Variants in NAV2 observed in about 807,000 individuals in gnomAD.
The protein encoded by NAV2 is helicase, APC down-regulated 1.
In NAV2, 54 loss-of-function variants were observed where a neutral mutation model predicts 223.2. The observed-to-expected ratio is 0.24, with a 90% CI of 0.19 to 0.30. The LOEUF (loss-of-function observed/expected upper bound fraction) is 0.30, where lower values mean the gene tolerates loss of function less well. Ranked by LOEUF, NAV2 falls within the 10% of genes least tolerant of loss-of-function variation. The probability of loss-of-function intolerance (pLI) is 1.00; values close to 1 mark genes in which losing one functional copy is unlikely to be tolerated. For synonymous variants in NAV2, 1,279 were observed against 1,239.3 expected (o/e 1.03, Z -0.67); for missense variants, 2,806 against 3,147.5 (o/e 0.89, Z 2.60).
intron 1 of NAV2, among the ~76,000 whole-genome samples, chr11:19,513,983 C>A (rs1334237233): frequency 1.3e-5 from 2 of 152,228 alleles, no homozygotes; most frequent in Non-Finnish European, 2.9e-5. Flanking sequence ...TGATTCTGGA[C>A]TTCTAGCCTC....
Position 20,097,723 on chromosome 11 carries a change from G to T in NAV2, c.6159G>T (p.Thr2053=), listed in dbSNP as rs756016954. ...LPCGYLVGEN[T]TISVTVKGLA... The stretch of plus-strand genomic sequence containing the variant: ...GTGGCTATCTGGTTGGAGAGAACAC[G>T]ACCATCTCAGTGACTGTGAAAGGTA... Residue 2053 remains threonine (T), a synonymous_variant, in exon 31 of 38, where the codon ACG becomes ACT. Coordinates refer to ENST00000349880, the MANE Select transcript of NAV2 (RefSeq NM_145117.5). 3 of 1,601,776 alleles carry T rather than the reference G, an allele frequency of 1.9e-6. No individual in the cohort carries two copies. The highest frequency in any genetic ancestry group is 2.2e-5 in the East Asian group (1 of 44,704).
At chr11:20,116,770 AT>A (rs1402764966) in intron 37 of NAV2, among the ~76,000 whole-genome samples, 1 of 152,154 alleles carries the variant, frequency 6.6e-6, no homozygotes, top group Non-Finnish European at 1.5e-5. Context: ...GATATTTGGT[AT>A]TTCTCCTCAG....
At chr11:19,806,565 T>A (rs1222039080) in intron 1 of NAV2, among the ~76,000 whole-genome samples, 1 of 152,248 alleles carries the variant, frequency 6.6e-6, no homozygotes, top group Non-Finnish European at 1.5e-5. Context: ...CTTGGTCGAA[T>A]GTCAGCTTTG....
At chr11:19,882,934 C>T (rs572289046) in intron 5 of NAV2, among the ~76,000 whole-genome samples, 1 of 152,258 alleles carries the variant, frequency 6.6e-6, no homozygotes, top group South Asian at 2.1e-4. Context: ...AAAGGATAAT[C>T]TTGTTCTCAA....
At chr11:19,905,969 T>G (rs1194948721) in intron 6 of NAV2, among the ~76,000 whole-genome samples, 1 of 152,162 alleles carries the variant, frequency 6.6e-6, no homozygotes, top group Non-Finnish European at 1.5e-5. Context: ...CACCCCTATC[T>G]TCCCAGCCCC....
rs370074645 is a variant in NAV2 at position 19,985,766 on chromosome 11, G to A, written c.2768+1519G>A. ...TAATTTTGAATTTTTAGTAGAGACG[G>A]GGTTTCACCATGTTGGCCAGGCTGG... On this transcript the variant is annotated intron_variant, in intron 11 of 37. Coordinates refer to ENST00000349880, the MANE Select transcript of NAV2 (RefSeq NM_145117.5). Among the ~76,000 whole-genome samples the A allele has an allele frequency of 9.2e-5, 14 of 152,098 alleles. No individual in the cohort carries two copies. The East Asian group carries it at 2.7e-3, about 29-fold the overall frequency.
At chr11:19,918,119 A>C (rs2043961471) in intron 6 of NAV2, among the ~76,000 whole-genome samples, 1 of 152,260 alleles carries the variant, frequency 6.6e-6, no homozygotes. Context: ...ACCTGGGTCC[A>C]TCAAGCCCAG....
chr11:19,880,441 C>A (rs1293088662), intron 5 of NAV2, among the ~76,000 whole-genome samples: 1 of 152,176 alleles, frequency 6.6e-6, no homozygotes, highest in South Asian at 2.1e-4. Flanking sequence ...CTTCAAACAC[C>A]TTTTGTGTGT....
chr11:19,711,427 G>A (rs1291602640), upstream of NAV2: 2 of 152,170 alleles, frequency 1.3e-5, no homozygotes, highest in Non-Finnish European at 2.9e-5. Context: ...TCCTCACAAG[G>A]CAGTAAGAAA....
At chr11:19,939,969 C>T (rs1311514777) in intron 8 of NAV2, among the ~76,000 whole-genome samples, 196 bp downstream of exon 8, 1 of 151,160 alleles carries the variant, frequency 6.6e-6, no homozygotes, top group Non-Finnish European at 1.5e-5. Context: ...CTCCCTCTTA[C>T]AGTTTCTTCC....
intron 37 of NAV2, among the ~76,000 whole-genome samples, chr11:20,115,270 T>A (rs1277592911): frequency 1.3e-5 from 2 of 151,988 alleles, no homozygotes; most frequent in Non-Finnish European, 2.9e-5. Context: ...CCATGGCCAT[T>A]GAGATGAGCT....
intron 3 of NAV2, among the ~76,000 whole-genome samples, chr11:19,845,286 A>T (rs73435678): frequency 0.014 from 2,088 of 152,306 alleles, 48 homozygotes; most frequent in African/African-American, 0.047. Flanking sequence ...ATTAGACTTT[A>T]TCTGGGTGGC....
intron 2 of NAV2, among the ~76,000 whole-genome samples, chr11:19,841,331 C>T (rs2060500672): frequency 6.6e-6 from 1 of 152,116 alleles, no homozygotes; most frequent in South Asian, 2.1e-4. Context: ...AAAATGAATT[C>T]AATTTGAGAT....
intron 6 of NAV2, among the ~76,000 whole-genome samples, chr11:19,902,591 C>T (rs1011541802): frequency 5.3e-5 from 8 of 152,136 alleles, no homozygotes; most frequent in Admixed American, 2.0e-4. Context: ...GATGTTCATC[C>T]GATCTTCAGA....
intron 5 of NAV2, among the ~76,000 whole-genome samples, chr11:19,889,850 T>A (rs771658281): frequency 6.6e-6 from 1 of 152,212 alleles, no homozygotes; most frequent in Non-Finnish European, 1.5e-5. Flanking sequence ...CCTAGGGAGA[T>A]GATGAGCCCT....
Position 19,639,354 on chromosome 11 carries a change from G to A in NAV2, c.76-193130G>A, listed in dbSNP as rs116332952. 2.8e-3 allele frequency among the ~76,000 whole-genome samples: 432 copies of A among 152,290 alleles called. 3 individuals are homozygous for A. The highest frequency in any genetic ancestry group is 1.0e-2 in the African/African-American group (414 of 41,566). ...CTCTATGACTGCCCCTGTGTGGAAG[G>A]CACAGCCTGCATAGCCCCATGTGGG... is the stretch of plus-strand genomic sequence containing the variant. On this transcript the variant is annotated intron_variant, in intron 1 of 37. Coordinates refer to the NAV2 transcript ENST00000360655.
intron 1 of NAV2, among the ~76,000 whole-genome samples, chr11:19,569,932 A>G (rs971482886): frequency 1.3e-5 from 2 of 152,222 alleles, no homozygotes; most frequent in African/African-American, 4.8e-5. Flanking sequence ...TTGAAAGGTA[A>G]AGATGACTTT....
chr11:19,859,892 G>A (rs1225850988), intron 3 of NAV2, among the ~76,000 whole-genome samples: 1 of 136,564 alleles, frequency 7.3e-6, no homozygotes, highest in Non-Finnish European at 1.6e-5. Context: ...CTCCCTCCCG[G>A]ACGGGGCGGC....
At chr11:19,819,214 C>T (rs2059254648) in intron 1 of NAV2, among the ~76,000 whole-genome samples, 1 of 152,062 alleles carries the variant, frequency 6.6e-6, no homozygotes, top group Non-Finnish European at 1.5e-5. Context: ...TTACAACAGC[C>T]AGGATAAAGG....
Sources: gnomAD v4.1 joint callset for allele counts (sites outside exome capture counted in the v4.1 genomes callset) on GRCh38, gnomAD v4.1.1 for gene constraint, MANE v1.5 for transcripts, NCBI Gene and HGNC (gene_info 2026-07-23, HGNC 2026-07-21) for gene names.